BEND6: variants seen among roughly 807,000 people sequenced by gnomAD.
BEND6 encodes BEN domain-containing protein 6.
In BEND6, 24 loss-of-function variants were observed where a neutral mutation model predicts 31.8. The observed-to-expected ratio is 0.75, with a 90% CI of 0.55 to 1.06. BEND6 has a LOEUF of 1.06. Ranked by LOEUF, BEND6 falls within the 50% of genes least tolerant of loss-of-function variation. BEND6 has a pLI of 0.00. For missense variants in BEND6, 294 were observed against 327.4 expected, an observed-to-expected ratio of 0.90 and a Z score of 0.79; for synonymous variants, 109 against 114.6, an observed-to-expected ratio of 0.95 and a Z score of 0.31.
chr6:56,960,499 G>A (rs768221101), intron 1 of BEND6, among the ~76,000 whole-genome samples: 1 of 152,140 alleles, frequency 6.6e-6, no homozygotes, highest in Non-Finnish European at 1.5e-5. Context: ...TAAAATTTTG[G>A]TTATTATCTA....
At chr6:56,964,717 T>C (rs1825407754) in intron 1 of BEND6, among the ~76,000 whole-genome samples, 1 of 152,188 alleles carries the variant, frequency 6.6e-6, no homozygotes, top group African/African-American at 2.4e-5. Context: ...CTCAGGCTGG[T>C]AATTCTTGGC....
chr6:57,010,717 A>G (rs1252011651), intron 3 of BEND6: 2 of 897,974 alleles, frequency 2.2e-6, no homozygotes, highest in Non-Finnish European at 1.3e-6. Flanking sequence ...AAAACAGCCT[A>G]CTTATGAAAA....
intron 3 of BEND6, chr6:57,008,242 C>T: frequency 1.4e-6 from 1 of 702,854 alleles, no homozygotes; most frequent in African/African-American, 1.7e-5. Context: ...GCCTCTGTTA[C>T]CTTGACTCAT....
intron 1 of BEND6, among the ~76,000 whole-genome samples, chr6:56,978,247 C>T (rs1355707651): frequency 6.6e-6 from 1 of 152,082 alleles, no homozygotes; most frequent in Non-Finnish European, 1.5e-5. Context: ...CATGCCACTG[C>T]ACTCCAGCCT....
At chr6:56,978,258 G>T (rs907986083) in intron 1 of BEND6, among the ~76,000 whole-genome samples, 1 of 152,080 alleles carries the variant, frequency 6.6e-6, no homozygotes, top group South Asian at 2.1e-4. Context: ...ACTCCAGCCT[G>T]GGTGAGAGAG....
rs368618760 is a variant in BEND6 at position 56,988,707 on chromosome 6, T to G, written c.121-3671T>G. Among the ~76,000 whole-genome samples, 51 of 152,264 alleles carry G rather than the reference T, an allele frequency of 3.3e-4. No individual in the cohort carries two copies. In the East Asian group the frequency reaches 9.3e-3, roughly 28 times the overall value. On this transcript the variant is annotated intron_variant, in intron 2 of 6. Coordinates refer to ENST00000370746, the MANE Select transcript of BEND6 (RefSeq NM_152731.3). ...TGCCTCATTCTAGAGGTAATCGTAT[T>G]CAATTTTGTTTAATTTACTTGTGTT...
chr6:57,018,239 G>A (rs186643728), intron 5 of BEND6, among the ~76,000 whole-genome samples, 182 bp from the exon 6 acceptor site: 2 of 152,268 alleles, frequency 1.3e-5, no homozygotes, highest in Admixed American at 6.5e-5. Flanking sequence ...GATATCTCTT[G>A]CTTTACTTAG....
chr6:56,971,047 G>A lies in BEND6; in HGVS notation c.-100-10664G>A, dbSNP rs191750566. On this transcript the variant is annotated intron_variant, in intron 1 of 6. Coordinates refer to ENST00000370746, the MANE Select transcript of BEND6 (RefSeq NM_152731.3). ...TAACATTAAATACCTTAGTATTATT[G>A]TGCAACCATCACTACCATCCATCTC... is the stretch of plus-strand genomic sequence containing the variant. Among the ~76,000 whole-genome samples the A allele has an allele frequency of 2.0e-5, 3 of 151,930 alleles. No homozygotes were observed. In the East Asian group the frequency reaches 5.8e-4, roughly 29 times the overall value.
At chr6:56,979,366 C>A (rs1825992346) in intron 1 of BEND6, among the ~76,000 whole-genome samples, 1 of 152,142 alleles carries the variant, frequency 6.6e-6, no homozygotes, top group Admixed American at 6.5e-5. Flanking sequence ...TCCTAAAAAT[C>A]ATTGAATTGT....
chr6:56,971,384 A>G (rs1366922289), intron 1 of BEND6, among the ~76,000 whole-genome samples: 1 of 152,196 alleles, frequency 6.6e-6, no homozygotes, highest in Non-Finnish European at 1.5e-5. Context: ...TTCGATGGAC[A>G]TGGGTTGCTT....
intron 3 of BEND6, chr6:57,010,043 C>G (rs1317093180): frequency 6.6e-6 from 1 of 152,152 alleles, no homozygotes; most frequent in Non-Finnish European, 1.5e-5. Flanking sequence ...CATAATGAAT[C>G]TATGCAGTGA....
chr6:56,981,854 C>T lies in BEND6; in HGVS notation c.44C>T (p.Ala15Val). Residue 15 changes from alanine (A) to valine (V), a missense_variant, in exon 2 of 7, where the codon GCT becomes GTT. By Grantham distance (64) the Ala-to-Val change is moderately conservative. Coordinates refer to ENST00000370746, the MANE Select transcript of BEND6 (RefSeq NM_152731.3). Reference protein sequence around the residue: ...VQTDEITNTQAFRKGKRKRTE... With the variant: ...VQTDEITNTQVFRKGKRKRTE... ...ACAGATGAAATTACCAATACACAAGCTTTTAGAAAAGGAAAGAGGAAAAGA... is the reference window on the plus strand; with the variant it reads ...ACAGATGAAATTACCAATACACAAGTTTTTAGAAAAGGAAAGAGGAAAAGA... The T allele has an allele frequency of 6.2e-7, 1 of 1,612,552 alleles. No individual in the cohort carries two copies. The highest frequency in any genetic ancestry group is 1.1e-5 in the South Asian group (1 of 90,976).
At chr6:56,974,731 G>T (rs1290866048) in intron 1 of BEND6, among the ~76,000 whole-genome samples, 1 of 152,102 alleles carries the variant, frequency 6.6e-6, no homozygotes, top group African/African-American at 2.4e-5. Context: ...TTTTTAATTA[G>T]AAAAATTATT....
chr6:57,009,432 A>G (rs1827271722), intron 3 of BEND6: 1 of 152,192 alleles, frequency 6.6e-6, no homozygotes, highest in Non-Finnish European at 1.5e-5. Context: ...TCAAATTTTA[A>G]AAAAGGATTT....
At chr6:56,979,721 C>T (rs907584848) in intron 1 of BEND6, among the ~76,000 whole-genome samples, 1 of 152,204 alleles carries the variant, frequency 6.6e-6, no homozygotes, top group East Asian at 1.9e-4. Flanking sequence ...TTTGTCTTCT[C>T]TCTTGCTATG....
At position 56,986,210 on chromosome 6, in the gene BEND6, G is replaced by C. The variant is rs1435495209; in HGVS notation, c.120+4280G>C. On this transcript the variant is annotated intron_variant, in intron 2 of 6. Transcript: ENST00000370746. ...CATCACTAGAAGATGTATTACATAT[G>C]TATATATATACAAACACATATATAA... is the stretch of plus-strand genomic sequence containing the variant. Among the ~76,000 whole-genome samples, 8 of 151,916 alleles carry C rather than the reference G, an allele frequency of 5.3e-5. No homozygotes were observed. In the East Asian group the frequency reaches 1.5e-3, roughly 29 times the overall value.
chr6:57,013,854 C>A (rs2127889078), intron 3 of BEND6: 1 of 152,344 alleles, frequency 6.6e-6, no homozygotes, highest in African/African-American at 2.4e-5. Context: ...CCAGTTTTAT[C>A]CCTCACACCT....
At position 56,992,552 on chromosome 6, in the gene BEND6, C is replaced by A; in HGVS notation, c.295C>A (p.Gln99Lys). 2 of 1,604,734 alleles carry A rather than the reference C, an allele frequency of 1.2e-6. No individual in the cohort carries two copies. The highest frequency in any genetic ancestry group is 2.2e-5 in the South Asian group (2 of 89,114). ...SRLRQSLVML[Q>K]VLPQAVTQFE... Reference sequence around the variant, plus strand: ...ACTTCGACAGTCTTTGGTCATGCTTCAAGGTAAACTTTGAGAAAATTGACA... The same window carrying A: ...ACTTCGACAGTCTTTGGTCATGCTTAAAGGTAAACTTTGAGAAAATTGACA... Residue 99 changes from glutamine (Q) to lysine (K), a missense_variant, in exon 3 of 7, where the codon CAA becomes AAA. Gln to Lys is a moderately conservative substitution (Grantham distance 53). Transcript: ENST00000370746.
At chr6:56,986,973 CTTTTT>C (rs869195941) in intron 2 of BEND6, among the ~76,000 whole-genome samples, 2 of 123,814 alleles carry the variant, frequency 1.6e-5, no homozygotes, top group Non-Finnish European at 3.4e-5. Context: ...TGTTTCTTTT[CTTTTT>C]TTTTTTTTTT....
Sources: allele counts gnomAD v4.1 joint callset (sites outside exome capture counted in the v4.1 genomes callset), GRCh38; gene constraint gnomAD v4.1.1; transcripts MANE v1.5; gene names NCBI Gene and HGNC (gene_info 2026-07-23, HGNC 2026-07-21).